EFCAB12: variants seen among roughly 807,000 people sequenced by gnomAD.
The protein encoded by EFCAB12 is EF-hand calcium binding domain 12.
EFCAB12 carries 43 observed loss-of-function variants against 53.6 expected under a neutral mutation model. The observed-to-expected ratio is 0.80, with a 90% CI of 0.63 to 1.03. The LOEUF (loss-of-function observed/expected upper bound fraction) is 1.03, where lower values mean the gene tolerates loss of function less well. Ranked by LOEUF, EFCAB12 falls within the 50% of genes least tolerant of loss-of-function variation. The pLI, the probability that EFCAB12 is intolerant of heterozygous loss-of-function variation, is 0.00. For synonymous variants in EFCAB12, 269 were observed against 289.2 expected (o/e 0.93, Z 0.71); for missense variants, 646 against 730.6 (o/e 0.88, Z 1.34).
chr3:129,411,107 C>G (rs1176991559), intron 5 of EFCAB12, 51 bp downstream of exon 5: 9 of 1,530,674 alleles, frequency 5.9e-6, no homozygotes, highest in South Asian at 1.2e-5. Context: ...GATCTGAACC[C>G]CAGCTGCTCC....
intron 7 of EFCAB12, chr3:129,403,910 C>T: frequency 1.1e-5 from 2 of 181,718 alleles, no homozygotes; most frequent in Non-Finnish European, 2.3e-5. Context: ...AGGGCCCTGA[C>T]ACCTGGCTGG....
Position 129,411,185 on chromosome 3 carries a change from C to T in EFCAB12, c.1008G>A (p.Arg336=). Reference sequence around the variant, plus strand: ...TGTGCTGTCGCTGCCGCTCGCGGTACCGCTTGCCCACTTCCTCCATCTCCT... The same window carrying T: ...TGTGCTGTCGCTGCCGCTCGCGGTATCGCTTGCCCACTTCCTCCATCTCCT... The part of the protein sequence containing the change: ...TLEEMEEVGK[R]YRERQRQHKL... Residue 336 remains arginine, a synonymous_variant, in exon 5 of 9, where the codon CGG becomes CGA. Transcript: ENST00000505956. The T allele has an allele frequency of 1.2e-6, 2 of 1,607,904 alleles. No homozygotes were observed. Among genetic ancestry groups the T allele is most frequent in the Non-Finnish European group, 8.5e-7 (1 of 1,177,112 alleles).
In EFCAB12 at chr3:129,421,629, G is replaced by T; in HGVS notation, c.224C>A (p.Ser75Tyr). 2 of 1,613,982 alleles carry T rather than the reference G, an allele frequency of 1.2e-6. No individual in the cohort carries two copies. The highest frequency in any genetic ancestry group is 1.7e-6 in the Non-Finnish European group (2 of 1,179,888). The change falls in exon 2 of 9, where the codon TCC (serine) becomes TAC (tyrosine). Residue 75 changes from serine to tyrosine, a missense_variant. Physicochemically the swap from Ser to Tyr is moderately radical, Grantham distance 144. Coordinates refer to ENST00000505956, the MANE Select transcript of EFCAB12 (RefSeq NM_207307.3). ...KEDQTPLNPA[S>Y]QPQAPPKPIP... ...GGGCTTTGGGGGAGCCTGAGGTTGG[G>T]ATGCAGGATTAAGGGGTGTCTGATC...
intron 6 of EFCAB12, among the ~76,000 whole-genome samples, chr3:129,406,887 G>C (rs1484599486): frequency 6.7e-6 from 1 of 150,028 alleles, no homozygotes; most frequent in Non-Finnish European, 1.5e-5. Flanking sequence ...TTTTGACAGG[G>C]TCTCGCTCTG....
At chr3:129,411,448 C>T in intron 4 of EFCAB12, 94 bp from the exon 5 acceptor site, 1 of 1,293,268 alleles carries the variant, frequency 7.7e-7, no homozygotes, top group East Asian at 2.4e-5. Context: ...ACCCAGCAGG[C>T]ACCAGGCCAC....
chr3:129,407,140 C>T (rs116694307), intron 6 of EFCAB12, among the ~76,000 whole-genome samples: 372 of 152,306 alleles, frequency 2.4e-3, no homozygotes, highest in African/African-American at 8.5e-3. Flanking sequence ...ACAAGAGAGA[C>T]AACAGGTGTG....
chr3:129,421,734 T>G lies in EFCAB12; in HGVS notation c.119A>C (p.His40Pro). ...CTTCTGCTGGAACTGCTTGAAGCAG[T>G]GGGCAATGACCGGTTCAGGATCAAA... ...PVFDPEPVIA[H>P]CFKQFQQKDF... The change falls in exon 2 of 9, where the codon CAC (histidine) becomes CCC (proline). Residue 40 changes from histidine to proline, a missense_variant. Coordinates refer to ENST00000505956, the MANE Select transcript of EFCAB12 (RefSeq NM_207307.3). 1 of 1,613,880 alleles carries G rather than the reference T, an allele frequency of 6.2e-7. No individual in the cohort carries two copies. The highest frequency in any genetic ancestry group is 1.1e-5 in the South Asian group (1 of 91,082).
chr3:129,428,617 G>A lies in EFCAB12; in HGVS notation c.-129C>T. 1 of 1,142,318 alleles carries A rather than the reference G, an allele frequency of 8.8e-7. No individual in the cohort carries two copies. Among genetic ancestry groups the A allele is most frequent in the Non-Finnish European group, 1.2e-6 (1 of 809,922 alleles). 70.8% of individuals were successfully genotyped at this position (1,142,318 alleles called of 1,614,324 possible). On this transcript the variant is annotated 5_prime_UTR_variant, in exon 1 of 9. Coordinates refer to ENST00000505956, the MANE Select transcript of EFCAB12 (RefSeq NM_207307.3). ...AGTCGTGCGAAAGGCGCTCAGCTCA[G>A]ACTGCAGAAGCAACCTGTTGCCGTG...
intron 7 of EFCAB12, 87 bp from the exon 8 acceptor site, chr3:129,402,666 G>A: frequency 2.3e-6 from 3 of 1,301,422 alleles, no homozygotes; most frequent in Non-Finnish European, 3.2e-6. Context: ...CCGCAGGGGT[G>A]GACCCGTTTC....
At chr3:129,414,971 T>C (rs1362412193) in intron 4 of EFCAB12, 1 of 296,778 alleles carries the variant, frequency 3.4e-6, no homozygotes, top group Non-Finnish European at 6.1e-6. Flanking sequence ...GCCTCTCAGG[T>C]GGGCTCTGGT....
chr3:129,401,806 G>A lies in EFCAB12; in HGVS notation c.1506C>T (p.Pro502=). The change falls in exon 9 of 9, where the codon CCC becomes CCT. Residue 502 remains proline, a synonymous_variant. Transcript: ENST00000505956. Reference sequence around the variant, plus strand: ...GAAGATGACCCGGCCAGAAGGAATTGGGGTGTGTTTGCTGCAGACCACTGG... The same window carrying A: ...GAAGATGACCCGGCCAGAAGGAATTAGGGTGTGTTTGCTGCAGACCACTGG... ...KRSSGLQQTH[P]NSFWPGHLLD... 6.2e-7 allele frequency: 1 copy of A among 1,613,280 alleles called. No homozygotes were observed. The highest frequency in any genetic ancestry group is 8.5e-7 in the Non-Finnish European group (1 of 1,179,564).
chr3:129,426,944 T>G (rs2072280432), intron 1 of EFCAB12, among the ~76,000 whole-genome samples: 2 of 149,150 alleles, frequency 1.3e-5, no homozygotes, highest in Admixed American at 1.3e-4. Flanking sequence ...ACCTCCCTGG[T>G]TCATGCCATT....
intron 3 of EFCAB12, among the ~76,000 whole-genome samples, chr3:129,415,763 G>A (rs2072108159): frequency 2.0e-5 from 3 of 152,054 alleles, no homozygotes; most frequent in African/African-American, 2.4e-5. Context: ...TGCTGGATAC[G>A]AAGCATGATT....
At chr3:129,415,095 G>A (rs1339432511) in intron 4 of EFCAB12, 150 bp downstream of exon 4, 1 of 940,250 alleles carries the variant, frequency 1.1e-6, no homozygotes, top group Admixed American at 3.6e-5. Context: ...CTCTGGGCCT[G>A]AAAATTTCCA....
chr3:129,402,433 G>T, intron 8 of EFCAB12, 90 bp downstream of exon 8: 2 of 1,403,820 alleles, frequency 1.4e-6, no homozygotes, highest in South Asian at 1.2e-5. Flanking sequence ...CCCAGCTGTT[G>T]TGCCAGGAGT....
At chr3:129,404,211 G>C in intron 7 of EFCAB12, 39 bp downstream of exon 7, 1 of 1,594,910 alleles carries the variant, frequency 6.3e-7, no homozygotes, top group Non-Finnish European at 8.6e-7. Flanking sequence ...CAATGGAGCA[G>C]GAGGCCAAGG....
intron 2 of EFCAB12, 49 bp downstream of exon 2, chr3:129,421,318 T>C: frequency 6.6e-7 from 1 of 1,516,498 alleles, no homozygotes; most frequent in Non-Finnish European, 8.9e-7. Flanking sequence ...AAAATAATGA[T>C]GCATCCCTAA....
chr3:129,404,286 C>T lies in EFCAB12; in HGVS notation c.1367G>A (p.Arg456Gln), dbSNP rs199684655. The change falls in exon 7 of 9, where the codon CGG becomes CAG. Residue 456 changes from arginine (R) to glutamine (Q), a missense_variant. By Grantham distance (43) the Arg-to-Gln change is conservative. Coordinates refer to ENST00000505956, the MANE Select transcript of EFCAB12 (RefSeq NM_207307.3). The part of the protein sequence containing the change: ...KVFSPNLALL[R>Q]SQGPGKSKRT... ...CTTAGACTTGCCAGGGCCCTGGGAC[C>T]GGAGCAGAGCCAGATTCGGAGAAAA... 1.7e-4 allele frequency: 273 copies of T among 1,613,772 alleles called. No individual in the cohort carries two copies. In the African/African-American group the frequency reaches 1.8e-3, roughly 10 times the overall value.
intron 3 of EFCAB12, among the ~76,000 whole-genome samples, chr3:129,417,336 A>AC (rs2072129115): frequency 2.2e-5 from 3 of 135,186 alleles, no homozygotes; most frequent in East Asian, 3.5e-4. Flanking sequence ...AAAAAAAAAA[A>AC]AAACCAAAAA....
Sources: gnomAD v4.1 joint callset for allele counts (sites outside exome capture counted in the v4.1 genomes callset) on GRCh38, gnomAD v4.1.1 for gene constraint, MANE v1.5 for transcripts, NCBI Gene and HGNC (gene_info 2026-07-23, HGNC 2026-07-21) for gene names.